The following SNX29 variants were observed in gnomAD, a reference collection of about 807,000 sequenced individuals.
The protein encoded by SNX29 is sorting nexin-29.
SNX29 carries 78 observed loss-of-function variants against 102.1 expected under a neutral mutation model. The ratio of observed to expected loss-of-function variants is 0.76; its 90% CI spans 0.64 to 0.92. The LOEUF (loss-of-function observed/expected upper bound fraction) is 0.92. SNX29 is among the 40% of genes least tolerant of loss of function. SNX29 has a pLI of 0.00. For synonymous variants in SNX29, 580 were observed against 414.5 expected, an observed-to-expected ratio of 1.40 and a Z score of -4.85; for missense variants, 1,280 against 1,061.7, an observed-to-expected ratio of 1.21 and a Z score of -2.86.
At chr16:12,004,251 G>C (rs1368534394) in intron 3 of SNX29, among the ~76,000 whole-genome samples, 3 of 151,136 alleles carry the variant, frequency 2.0e-5, no homozygotes, top group African/African-American at 7.3e-5. Context: ...TGAGGCAGGA[G>C]AATTGCCTAA....
intron 17 of SNX29, among the ~76,000 whole-genome samples, chr16:12,403,214 G>GTATGTA: frequency 6.9e-6 from 1 of 144,434 alleles, no homozygotes; most frequent in African/African-American, 2.6e-5. Flanking sequence ...GTGTGTGTGT[G>GTATGTA]TGTGTGTGTG....
chr16:12,477,707 C>A lies in SNX29; in HGVS notation c.2038-12C>A. 2 of 1,606,788 alleles carry A rather than the reference C, an allele frequency of 1.2e-6. No homozygotes were observed. Among genetic ancestry groups the A allele is most frequent in the East Asian group, 4.5e-5 (2 of 44,770 alleles). Reference sequence around the variant, plus strand: ...GGTTTAAGAGGAATTCACATTTTCTCTTTCTTGACAGGTCTACATCCGGAT... The same window carrying A: ...GGTTTAAGAGGAATTCACATTTTCTATTTCTTGACAGGTCTACATCCGGAT... On this transcript the variant is annotated splice_polypyrimidine_tract_variant and intron_variant, in intron 18 of 20. Coordinates refer to ENST00000566228, the MANE Select transcript of SNX29 (RefSeq NM_032167.5).
intron 15 of SNX29, among the ~76,000 whole-genome samples, chr16:12,350,249 G>A (rs538280179): frequency 9.9e-5 from 15 of 152,236 alleles, no homozygotes; most frequent in Admixed American, 2.6e-4. Flanking sequence ...AATACCGGGC[G>A]GGGAGAATGC....
intron 17 of SNX29, among the ~76,000 whole-genome samples, chr16:12,402,538 A>C (rs1449047170): frequency 6.6e-6 from 1 of 152,240 alleles, no homozygotes; most frequent in Non-Finnish European, 1.5e-5. Flanking sequence ...TTGAAGTTTC[A>C]GGGACAGTCA....
At chr16:12,469,409 C>G (rs1185248163) in intron 18 of SNX29, among the ~76,000 whole-genome samples, 3 of 152,144 alleles carry the variant, frequency 2.0e-5, no homozygotes, top group East Asian at 1.9e-4. Flanking sequence ...GGCCTTGAAC[C>G]AAAACACAAA....
intron 20 of SNX29, 81 bp from the exon 21 acceptor site, chr16:12,568,425 C>T (rs900869645): frequency 1.3e-6 from 2 of 1,570,382 alleles, no homozygotes; most frequent in South Asian, 1.2e-5. Flanking sequence ...CTCCTGCCCT[C>T]ACACCTGGCT....
chr16:12,313,670 A>G (rs1006564172), intron 15 of SNX29, among the ~76,000 whole-genome samples: 2 of 152,210 alleles, frequency 1.3e-5, no homozygotes, highest in African/African-American at 4.8e-5. Flanking sequence ...TCAGGGCCCC[A>G]TGAGGGCAGG....
chr16:12,242,608 TTCTCTTCTTCC>T (rs1433415797), intron 14 of SNX29, among the ~76,000 whole-genome samples: 2 of 150,942 alleles, frequency 1.3e-5, no homozygotes, highest in Non-Finnish European at 1.5e-5. Flanking sequence ...TCTCTTCTTC[TTCTCTTCTTCC>T]TCTCTTCTTC....
At chr16:12,048,236 A>T in intron 6 of SNX29, 136 bp from the exon 7 acceptor site, 3 of 1,271,538 alleles carry the variant, frequency 2.4e-6, no homozygotes, top group Non-Finnish European at 3.4e-6. Flanking sequence ...CAACGTCCGC[A>T]TGGGAGGTAT....
At chr16:12,538,060 G>A (rs1230572593) in intron 20 of SNX29, among the ~76,000 whole-genome samples, 2 of 151,592 alleles carry the variant, frequency 1.3e-5, no homozygotes. Context: ...AATCGATCTT[G>A]GTGACAGCTT....
chr16:12,567,164 G>A, intron 20 of SNX29, among the ~76,000 whole-genome samples: 1 of 152,190 alleles, frequency 6.6e-6, no homozygotes, highest in East Asian at 1.9e-4. Flanking sequence ...AGCTGGGGGT[G>A]GATGTTCCTG....
At chr16:12,548,745 T>TCTGTGCTGAGCTCATCTCTCATCCC (rs2077770881) in intron 20 of SNX29, among the ~76,000 whole-genome samples, 1 of 152,158 alleles carries the variant, frequency 6.6e-6, no homozygotes, top group Non-Finnish European at 1.5e-5. Context: ...CAAGGTGTTT[T>TCTGTGCTGAGCTCATCTCTCATCCC]CTGTGCTGAG....
chr16:12,060,677 C>T, intron 8 of SNX29: 1 of 427,162 alleles, frequency 2.3e-6, no homozygotes, highest in South Asian at 1.7e-5. Context: ...AGATGTAATG[C>T]AGATACTGGG....
intron 11 of SNX29, among the ~76,000 whole-genome samples, chr16:12,111,448 T>A (rs1250701619): frequency 6.6e-6 from 1 of 152,170 alleles, no homozygotes; most frequent in Non-Finnish European, 1.5e-5. Flanking sequence ...CCAAGTTCCT[T>A]CTTACCTCAG....
intron 13 of SNX29, among the ~76,000 whole-genome samples, chr16:12,141,255 C>T (rs116515135): frequency 0.013 from 1,999 of 152,256 alleles, 54 homozygotes; most frequent in African/African-American, 0.045. Context: ...GGCCACAGGA[C>T]GATTGAAGTG....
At chr16:12,013,539 A>ATATATATATATATC (rs1661015763) in intron 3 of SNX29, among the ~76,000 whole-genome samples, 1 of 121,192 alleles carries the variant, frequency 8.3e-6, no homozygotes, top group African/African-American at 3.0e-5. Flanking sequence ...ATATATATAT[A>ATATATATATATATC]TATCGAGAGA....
At chr16:12,397,855 TG>T (rs1244133898) in intron 16 of SNX29, among the ~76,000 whole-genome samples, 11 of 152,160 alleles carry the variant, frequency 7.2e-5, no homozygotes, top group African/African-American at 2.7e-4. Context: ...CTCCACAGTG[TG>T]GGGTCAGGAC....
intron 13 of SNX29, among the ~76,000 whole-genome samples, chr16:12,191,759 G>A (rs1198356620): frequency 1.2e-5 from 1 of 83,086 alleles, no homozygotes; most frequent in Non-Finnish European, 3.4e-5. Context: ...CTTGACCTTT[G>A]AAGATTTAGG....
chr16:12,195,359 ACTTCT>A (rs1360761898), intron 13 of SNX29, among the ~76,000 whole-genome samples: 1 of 152,176 alleles, frequency 6.6e-6, no homozygotes, highest in Non-Finnish European at 1.5e-5. Flanking sequence ...TGGTTTTGAG[ACTTCT>A]CTTTCTTTTC....
Sources: allele counts gnomAD v4.1 joint callset (sites outside exome capture counted in the v4.1 genomes callset), GRCh38; gene constraint gnomAD v4.1.1; transcripts MANE v1.5; gene names NCBI Gene and HGNC (gene_info 2026-07-23, HGNC 2026-07-21).